The following TENM2 variants were observed in gnomAD, a reference collection of about 807,000 sequenced individuals.
The protein encoded by TENM2 is teneurin transmembrane protein 2.
In TENM2, 52 loss-of-function variants were observed where a neutral mutation model predicts 245.2. That is an observed-to-expected ratio of 0.21 (90% CI 0.17 to 0.27). The LOEUF is 0.27. TENM2 is among the 10% of genes least tolerant of loss of function. The pLI is 1.00. For synonymous variants in TENM2, 1,363 were observed against 1,438.9 expected, an observed-to-expected ratio of 0.95 and a Z score of 1.19; for missense variants, 3,046 against 3,666.8, an observed-to-expected ratio of 0.83 and a Z score of 4.37.
intron 13 of TENM2, among the ~76,000 whole-genome samples, chr5:168,164,402 A>G (rs112978502): frequency 2.2e-4 from 34 of 151,916 alleles, no homozygotes; most frequent in African/African-American, 8.2e-4. Context: ...TGTATCGCTG[A>G]CACTTTGTAC....
intron 13 of TENM2, among the ~76,000 whole-genome samples, chr5:168,189,519 TA>T (rs541030436): frequency 3.0e-4 from 46 of 152,296 alleles, no homozygotes; most frequent in African/African-American, 1.1e-3. Flanking sequence ...AAGTGCATAA[TA>T]ATGTTCCGAG....
At chr5:167,877,345 T>C (rs772479118) in intron 3 of TENM2, among the ~76,000 whole-genome samples, 6 of 152,238 alleles carry the variant, frequency 3.9e-5, no homozygotes, top group Non-Finnish European at 8.8e-5. Context: ...GGATGGCCCA[T>C]GCCCTTCTTC....
intron 1 of TENM2, among the ~76,000 whole-genome samples, chr5:167,321,659 C>T (rs1412160351): frequency 6.6e-6 from 1 of 152,102 alleles, no homozygotes; most frequent in African/African-American, 2.4e-5. Context: ...CCATCCATCC[C>T]TGCTTTGTGT....
the TENM2 span, among the ~76,000 whole-genome samples, chr5:167,032,833 C>G: frequency 6.6e-6 from 1 of 152,114 alleles, no homozygotes; most frequent in Non-Finnish European, 1.5e-5. Flanking sequence ...TACCTTATTT[C>G]TAACTCAGCT....
At chr5:167,716,855 C>T (rs2150503362) in intron 2 of TENM2, among the ~76,000 whole-genome samples, 1 of 151,062 alleles carries the variant, frequency 6.6e-6, no homozygotes, top group African/African-American at 2.4e-5. Context: ...TACATAAAGC[C>T]ATCTTTACTC....
intron 2 of TENM2, among the ~76,000 whole-genome samples, chr5:167,463,281 T>C (rs1766437628): frequency 6.6e-6 from 1 of 152,160 alleles, no homozygotes; most frequent in Non-Finnish European, 1.5e-5. Flanking sequence ...TCTAATGTCA[T>C]AAAGATGGCA....
At chr5:167,945,908 T>A (rs1301354191) in intron 3 of TENM2, among the ~76,000 whole-genome samples, 1 of 152,064 alleles carries the variant, frequency 6.6e-6, no homozygotes, top group Non-Finnish European at 1.5e-5. Flanking sequence ...AGGAGGAGGC[T>A]ACAACTTGAC....
At chr5:167,837,869 A>G (rs1373900559) in intron 2 of TENM2, among the ~76,000 whole-genome samples, 1 of 151,616 alleles carries the variant, frequency 6.6e-6, no homozygotes, top group East Asian at 1.9e-4. Flanking sequence ...TAGTGCATCT[A>G]CTTAGCGCAG....
intron 2 of TENM2, among the ~76,000 whole-genome samples, chr5:167,393,300 A>G (rs78228032): frequency 0.028 from 4,335 of 152,182 alleles, 214 homozygotes; most frequent in African/African-American, 0.099. Flanking sequence ...AGAAGACAGT[A>G]GAAATAGATA....
At chr5:167,299,450 T>C (rs1419432778) in intron 1 of TENM2, among the ~76,000 whole-genome samples, 1 of 151,940 alleles carries the variant, frequency 6.6e-6, no homozygotes. Context: ...CAGTCCTGGG[T>C]GGGGGCAAAT....
intron 2 of TENM2, among the ~76,000 whole-genome samples, chr5:167,862,287 G>A (rs1771892824): frequency 6.6e-6 from 1 of 151,832 alleles, no homozygotes; most frequent in Admixed American, 6.6e-5. Context: ...ACATGCATTT[G>A]TGCACACACA....
chr5:167,229,595 G>A, the TENM2 span, among the ~76,000 whole-genome samples: 2 of 152,200 alleles, frequency 1.3e-5, no homozygotes, highest in Admixed American at 1.3e-4. Context: ...TCTGATGGTA[G>A]CAGCACATTG....
At chr5:168,189,320 T>A (rs1760745064) in intron 13 of TENM2, among the ~76,000 whole-genome samples, 1 of 152,180 alleles carries the variant, frequency 6.6e-6, no homozygotes, top group African/African-American at 2.4e-5. Flanking sequence ...CAACCTAAAC[T>A]TGATCTTAAA....
chr5:167,314,925 T>C lies in TENM2; in HGVS notation c.226+29862T>C, dbSNP rs978433659. Among the ~76,000 whole-genome samples the C allele has an allele frequency of 4.6e-5, 7 of 152,084 alleles. No individual in the cohort carries two copies. In the South Asian group the frequency reaches 1.0e-3, roughly 22 times the overall value. On this transcript the variant is annotated intron_variant, in intron 1 of 28. Transcript: ENST00000518659. The stretch of plus-strand genomic sequence containing the variant: ...GATTTTTATACAAAAGTTACACTTC[T>C]GTCTGCTTTTTTCAGTTATACCTCA...
chr5:167,541,834 A>T (rs1772232971), intron 2 of TENM2, among the ~76,000 whole-genome samples: 1 of 152,246 alleles, frequency 6.6e-6, no homozygotes, highest in Admixed American at 6.5e-5. Context: ...TAAGGCAATA[A>T]TTTGAGAAAT....
chr5:168,038,401 A>G (rs929669428), intron 5 of TENM2, among the ~76,000 whole-genome samples: 14 of 152,276 alleles, frequency 9.2e-5, no homozygotes, highest in Admixed American at 6.5e-4. Context: ...TGTGAGCAAG[A>G]AAATGTGGCT....
intron 3 of TENM2, among the ~76,000 whole-genome samples, chr5:167,906,970 C>A (rs977674583): frequency 6.6e-6 from 1 of 152,176 alleles, no homozygotes; most frequent in East Asian, 1.9e-4. Flanking sequence ...CAGTGGCTCA[C>A]GCCTGTAATC....
the TENM2 span, among the ~76,000 whole-genome samples, chr5:167,263,907 C>G: frequency 6.6e-6 from 1 of 151,818 alleles, no homozygotes; most frequent in East Asian, 1.9e-4. Context: ...AGTTTGAGAC[C>G]AGCCTGACCA....
At chr5:167,134,329 G>A in the TENM2 span, among the ~76,000 whole-genome samples, 4 of 152,118 alleles carry the variant, frequency 2.6e-5, no homozygotes, top group African/African-American at 7.2e-5. Flanking sequence ...TTAACATGGC[G>A]ACATCACTTT....
Sources: gnomAD v4.1 joint callset for allele counts (sites outside exome capture counted in the v4.1 genomes callset) on GRCh38, gnomAD v4.1.1 for gene constraint, MANE v1.5 for transcripts, NCBI Gene and HGNC (gene_info 2026-07-23, HGNC 2026-07-21) for gene names.